Variants in MTDH observed in about 807,000 individuals in gnomAD.
MTDH encodes metadherin.
MTDH carries 34 observed loss-of-function variants against 72.7 expected under a neutral mutation model. The observed-to-expected ratio is 0.47, with a 90% CI of 0.36 to 0.62. The LOEUF is 0.62. MTDH is among the 20% of genes least tolerant of loss of function. The pLI, the probability that MTDH is intolerant of heterozygous loss-of-function variation, is 0.00. For missense variants in MTDH, 677 were observed against 699.4 expected, an observed-to-expected ratio of 0.97 and a Z score of 0.36; for synonymous variants, 266 against 268.9, an observed-to-expected ratio of 0.99 and a Z score of 0.10.
intron 2 of MTDH, among the ~76,000 whole-genome samples, chr8:97,669,745 C>T (rs1054136673): frequency 1.3e-5 from 2 of 151,724 alleles, no homozygotes; most frequent in African/African-American, 2.4e-5. Flanking sequence ...GGTGAAATCC[C>T]GTCTGTACTG....
chr8:97,718,309 C>T (rs1475383951), intron 9 of MTDH, among the ~76,000 whole-genome samples: 1 of 152,224 alleles, frequency 6.6e-6, no homozygotes, highest in Non-Finnish European at 1.5e-5. Context: ...TCCCAAAGTG[C>T]TGGGATTACA....
At chr8:97,671,093 G>C (rs1812603426) in intron 2 of MTDH, among the ~76,000 whole-genome samples, 1 of 151,706 alleles carries the variant, frequency 6.6e-6, no homozygotes, top group African/African-American at 2.4e-5. Flanking sequence ...AGCCTCCCGA[G>C]TAGCTGGGAC....
intron 11 of MTDH, among the ~76,000 whole-genome samples, chr8:97,723,915 G>C (rs562152721): frequency 6.6e-6 from 1 of 151,244 alleles, no homozygotes; most frequent in Non-Finnish European, 1.5e-5. Context: ...CAAGACCAGC[G>C]TGGCCAACAT....
At chr8:97,658,926 G>A (rs577060520) in intron 1 of MTDH, among the ~76,000 whole-genome samples, 36 of 152,062 alleles carry the variant, frequency 2.4e-4, no homozygotes, top group African/African-American at 3.9e-4. Flanking sequence ...GGCGGATCAC[G>A]AGGTCAGGAG....
chr8:97,681,542 G>GA (rs1353900987), intron 2 of MTDH, among the ~76,000 whole-genome samples: 1 of 128,000 alleles, frequency 7.8e-6, no homozygotes, highest in Admixed American at 9.4e-5. Context: ...TACCCAGTCT[G>GA]GAGTGCAATG....
chr8:97,723,559 T>C (rs62521707), intron 11 of MTDH, among the ~76,000 whole-genome samples: 22,355 of 149,364 alleles, frequency 0.15, 1,908 homozygotes, highest in East Asian at 0.33. Flanking sequence ...CTGGCTAACA[T>C]GGTGAAACCC....
At chr8:97,673,656 G>A (rs766104883) in intron 2 of MTDH, among the ~76,000 whole-genome samples, 19 of 146,226 alleles carry the variant, frequency 1.3e-4, no homozygotes, top group Admixed American at 7.6e-4. Context: ...GCAAAACTCT[G>A]TCTTGGGCGG....
intron 2 of MTDH, among the ~76,000 whole-genome samples, chr8:97,671,270 G>A (rs1812611595): frequency 2.0e-5 from 3 of 152,080 alleles, no homozygotes; most frequent in African/African-American, 7.2e-5. Flanking sequence ...CCCGGTGGGG[G>A]ATAACATTTC....
At chr8:97,690,905 A>G in intron 5 of MTDH, 47 bp from the exon 6 acceptor site, 1 of 1,333,956 alleles carries the variant, frequency 7.5e-7, no homozygotes, top group South Asian at 1.3e-5. Flanking sequence ...TCCCAGTTTT[A>G]AGAAGTCATG....
At chr8:97,701,772 A>G (rs1814142414) in intron 7 of MTDH, among the ~76,000 whole-genome samples, 1 of 152,174 alleles carries the variant, frequency 6.6e-6, no homozygotes, top group African/African-American at 2.4e-5. Flanking sequence ...TGGACAGAGT[A>G]GATGCACTTT....
At chr8:97,668,316 C>G (rs1220044667) in intron 2 of MTDH, among the ~76,000 whole-genome samples, 1 of 151,960 alleles carries the variant, frequency 6.6e-6, no homozygotes, top group Non-Finnish European at 1.5e-5. Flanking sequence ...TTTGGAAGAT[C>G]TTTATAACTC....
At chr8:97,669,683 G>A (rs1586222023) in intron 2 of MTDH, among the ~76,000 whole-genome samples, 1 of 151,904 alleles carries the variant, frequency 6.6e-6, no homozygotes, top group East Asian at 2.0e-4. Context: ...TTGGGAGGCC[G>A]AGGCAGGTGG....
chr8:97,721,451 A>G (rs1374941167), intron 10 of MTDH, among the ~76,000 whole-genome samples: 1 of 152,068 alleles, frequency 6.6e-6, no homozygotes, highest in East Asian at 1.9e-4. Flanking sequence ...ACACACACAC[A>G]CACAAATACA....
intron 1 of MTDH, among the ~76,000 whole-genome samples, chr8:97,655,563 G>A (rs1358992151): frequency 1.3e-5 from 2 of 152,218 alleles, no homozygotes; most frequent in Admixed American, 1.3e-4. Context: ...TGACCACCAG[G>A]ACTTAACATT....
At chr8:97,674,688 A>G (rs914250066) in intron 2 of MTDH, among the ~76,000 whole-genome samples, 13 of 152,246 alleles carry the variant, frequency 8.5e-5, no homozygotes, top group African/African-American at 3.1e-4. Flanking sequence ...ATGTTGACAC[A>G]ATAGAAGTAG....
intron 1 of MTDH, 126 bp downstream of exon 1, chr8:97,645,013 C>T: frequency 9.1e-7 from 1 of 1,093,888 alleles, no homozygotes. Context: ...AGAGGCAGCA[C>T]TCCCAAGTGG....
rs372430357 is a variant in MTDH at position 97,644,687 on chromosome 8, C to G, written c.181C>G (p.Leu61Val). ...VILVGTGALG[L>V]LLLFLLGYGW... ...CCTGGTGGGCACTGGCGCGCTCGGG[C>G]TGCTGCTGCTGTTTCTGCTGGGCTA... The change falls in exon 1 of 12, where the codon CTG becomes GTG. Residue 61 changes from leucine to valine, a missense_variant. Around this residue, in one of 3 missense-constraint regions of MTDH, gnomAD observed 467 missense variants for 469.1 expected, o/e 1.00. Transcript: ENST00000336273. The G allele has an allele frequency of 6.2e-7, 1 of 1,601,830 alleles. No homozygotes were observed. Among genetic ancestry groups the G allele is most frequent in the Non-Finnish European group, 8.5e-7 (1 of 1,176,136 alleles).
chr8:97,645,146 G>A (rs1811517708), intron 1 of MTDH, among the ~76,000 whole-genome samples: 1 of 152,214 alleles, frequency 6.6e-6, no homozygotes, highest in Admixed American at 6.5e-5. Context: ...GTTCAGATAG[G>A]CGCCCAGAGG....
rs1385084773 is a variant in MTDH at position 97,670,963 on chromosome 8, T to G, written c.483+9790T>G. On this transcript the variant is annotated intron_variant, in intron 2 of 11. Transcript: ENST00000336273. ...TTGTTGTTGTTGTTGTTTTTTTTTT[T>G]TTTTTTTTTTTTTGAGACGGAGTCT... Among the ~76,000 whole-genome samples the G allele has an allele frequency of 6.5e-5, 9 of 137,858 alleles. No homozygotes were observed. The East Asian group carries it at 1.3e-3, about 19-fold the overall frequency. The allele number at this position is 137,858 out of a possible 152,430, so 90.4% of individuals were successfully genotyped here.
Sources: allele counts gnomAD v4.1 joint callset (sites outside exome capture counted in the v4.1 genomes callset), GRCh38; gene constraint gnomAD v4.1.1; regional missense constraint gnomAD v4.1.1; transcripts MANE v1.5; gene names NCBI Gene and HGNC (gene_info 2026-07-23, HGNC 2026-07-21).